Variants in ST18 observed in about 807,000 individuals in gnomAD.
The protein encoded by ST18 is suppression of tumorigenicity 18 protein.
Under a neutral mutation model 110.0 loss-of-function variants are expected in ST18, and 50 were observed. The observed-to-expected ratio is 0.45, with a 90% CI of 0.36 to 0.58. The LOEUF (loss-of-function observed/expected upper bound fraction) is 0.58, where lower values mean the gene tolerates loss of function less well. ST18 is among the 20% of genes least tolerant of loss of function. ST18 has a pLI of 0.00. For missense variants in ST18, 1,306 were observed against 1,280.1 expected (o/e 1.02, Z -0.31); for synonymous variants, 461 against 452.4 (o/e 1.02, Z -0.24).
intron 2 of ST18, among the ~76,000 whole-genome samples, chr8:52,252,253 TA>T (rs2094347632): frequency 6.6e-6 from 1 of 152,068 alleles, no homozygotes; most frequent in Non-Finnish European, 1.5e-5. Flanking sequence ...GTAAGATTGT[TA>T]ATTATCTGCA....
chr8:52,118,542 T>A (rs1380580250), intron 23 of ST18, 101 bp from the exon 24 acceptor site: 1 of 634,036 alleles, frequency 1.6e-6, no homozygotes, highest in African/African-American at 1.9e-5. Flanking sequence ...GAGACTTTCA[T>A]TTAGTGTTTT....
intron 2 of ST18, among the ~76,000 whole-genome samples, chr8:52,395,005 T>A (rs562708190): frequency 6.6e-6 from 1 of 152,148 alleles, no homozygotes; most frequent in Non-Finnish European, 1.5e-5. Flanking sequence ...TCCAGAACCA[T>A]ATGGCAAGGA....
At chr8:52,235,878 T>C (rs2092577967) in intron 2 of ST18, among the ~76,000 whole-genome samples, 1 of 152,150 alleles carries the variant, frequency 6.6e-6, no homozygotes. Flanking sequence ...GCCAGATCAA[T>C]CATATGCTAC....
chr8:52,135,993 G>C (rs1477060762), intron 19 of ST18, among the ~76,000 whole-genome samples: 1 of 152,056 alleles, frequency 6.6e-6, no homozygotes, highest in African/African-American at 2.4e-5. Flanking sequence ...AGGACTAAAA[G>C]GTAGACTATA....
At chr8:52,313,918 G>A (rs1234798089) in intron 2 of ST18, among the ~76,000 whole-genome samples, 1 of 152,214 alleles carries the variant, frequency 6.6e-6, no homozygotes, top group East Asian at 1.9e-4. Context: ...GAAAAGTGGA[G>A]ACCCTTGACA....
chr8:52,293,437 G>T (rs528915829), intron 2 of ST18, among the ~76,000 whole-genome samples: 1 of 152,164 alleles, frequency 6.6e-6, no homozygotes, highest in Non-Finnish European at 1.5e-5. Context: ...TGGTAAGTGC[G>T]TTTTTTCCTA....
chr8:52,361,904 A>ATT (rs58516781), intron 2 of ST18, among the ~76,000 whole-genome samples: 8 of 150,882 alleles, frequency 5.3e-5, no homozygotes, highest in Admixed American at 2.0e-4. Flanking sequence ...TTCACACTTT[A>ATT]TTTTTTTTTC....
At chr8:52,207,402 G>A (rs2080486738) in intron 8 of ST18, among the ~76,000 whole-genome samples, 1 of 152,208 alleles carries the variant, frequency 6.6e-6, no homozygotes, top group Non-Finnish European at 1.5e-5. Flanking sequence ...TGAGGTCGGA[G>A]GATTGCCTGA....
intron 22 of ST18, 132 bp from the exon 23 acceptor site, chr8:52,126,272 TAG>T: frequency 2.4e-6 from 2 of 847,746 alleles, no homozygotes; most frequent in Non-Finnish European, 3.6e-6. Flanking sequence ...AGTCTCTTTG[TAG>T]AGAGTAATGA....
In ST18 at chr8:52,193,677, CT is replaced by C. The variant is rs548758182; in HGVS notation, c.87-13366del. 1.4e-4 allele frequency among the ~76,000 whole-genome samples: 22 copies of C among 152,326 alleles called. No homozygotes were observed. In the South Asian group the frequency reaches 4.6e-3, roughly 32 times the overall value. Reference sequence around the variant, plus strand: ...CAGGACCCTGGGGAAAAGTTACAGTCTTGTGCATTCATCTGAAATAGGCCTT... The same window carrying C: ...CAGGACCCTGGGGAAAAGTTACAGTCTGTGCATTCATCTGAAATAGGCCTT... On this transcript the variant is annotated intron_variant, in intron 8 of 25. Coordinates refer to ENST00000689386, the MANE Select transcript of ST18 (RefSeq NM_001352837.2).
chr8:52,306,433 G>T (rs1181038437), intron 2 of ST18, among the ~76,000 whole-genome samples: 1 of 152,060 alleles, frequency 6.6e-6, no homozygotes, highest in Admixed American at 6.6e-5. Flanking sequence ...TAGAGAAGAC[G>T]TGCGGTGAGT....
chr8:52,341,129 C>G (rs1814777602), intron 2 of ST18, among the ~76,000 whole-genome samples: 1 of 152,192 alleles, frequency 6.6e-6, no homozygotes, highest in Non-Finnish European at 1.5e-5. Flanking sequence ...TGCAGCTTAC[C>G]AGGCATCTTA....
At chr8:52,216,184 T>C (rs937270732) in intron 6 of ST18, among the ~76,000 whole-genome samples, 5 of 152,174 alleles carry the variant, frequency 3.3e-5, no homozygotes, top group African/African-American at 7.2e-5. Flanking sequence ...TTAAGTGCAA[T>C]CTTCTTTACA....
chr8:52,161,558 C>T lies in ST18; in HGVS notation c.1411G>A (p.Val471Met). 6.2e-7 allele frequency: 1 copy of T among 1,614,006 alleles called. No homozygotes were observed. Among genetic ancestry groups the T allele is most frequent in the Non-Finnish European group, 8.5e-7 (1 of 1,179,974 alleles). The change falls in exon 14 of 26, where the codon GTG becomes ATG. Residue 471 changes from valine (V) to methionine (M), a missense_variant. By Grantham distance (21) the Val-to-Met change is conservative. Coordinates refer to ENST00000689386, the MANE Select transcript of ST18 (RefSeq NM_001352837.2). Reference sequence around the variant, plus strand: ...GGGAAATTGAATTCAATTTGCTTCACCAAACTTGTCCTGGAGAGGGGGGTG... The same window carrying T: ...GGGAAATTGAATTCAATTTGCTTCATCAAACTTGTCCTGGAGAGGGGGGTG... ...CPDQAHRTSL[V>M]KQIEFNFPSQ...
chr8:52,176,976 C>T (rs2067188806), intron 9 of ST18, among the ~76,000 whole-genome samples: 1 of 152,086 alleles, frequency 6.6e-6, no homozygotes, highest in Admixed American at 6.6e-5. Flanking sequence ...GTGGTTTATC[C>T]CTTATTTGCT....
intron 2 of ST18, among the ~76,000 whole-genome samples, chr8:52,310,909 C>G (rs941750789): frequency 1.3e-5 from 2 of 152,174 alleles, no homozygotes; most frequent in African/African-American, 4.8e-5. Context: ...CTGGGTGCCA[C>G]TGGGAAGCTG....
chr8:52,275,588 T>C, intron 2 of ST18, among the ~76,000 whole-genome samples: 1 of 152,182 alleles, frequency 6.6e-6, no homozygotes, highest in Admixed American at 6.5e-5. Flanking sequence ...ACTAAAAAGT[T>C]GGAGGAGTTA....
At chr8:52,238,635 A>T (rs996123944) in intron 2 of ST18, among the ~76,000 whole-genome samples, 30 of 152,264 alleles carry the variant, frequency 2.0e-4, no homozygotes, top group African/African-American at 7.2e-4. Flanking sequence ...TGGTATACAC[A>T]CACATGTGCA....
At chr8:52,205,057 T>C (rs2079458795) in intron 8 of ST18, among the ~76,000 whole-genome samples, 1 of 151,884 alleles carries the variant, frequency 6.6e-6, no homozygotes, top group Non-Finnish European at 1.5e-5. Context: ...TGGAGAGTAC[T>C]CTGTCCTTTG....
Sources: allele counts gnomAD v4.1 joint callset (sites outside exome capture counted in the v4.1 genomes callset), GRCh38; gene constraint gnomAD v4.1.1; transcripts MANE v1.5; gene names NCBI Gene and HGNC (gene_info 2026-07-23, HGNC 2026-07-21).